Variants in SAMD4B observed in about 807,000 individuals in gnomAD.
The protein encoded by SAMD4B is sterile alpha motif domain containing 4B.
A neutral mutation model predicts 74.5 loss-of-function variants in SAMD4B; 5 were observed. The observed-to-expected ratio is 0.07, with a 90% CI of 0.04 to 0.14. SAMD4B has a LOEUF of 0.14. Ranked by LOEUF, SAMD4B falls within the 10% of genes least tolerant of loss-of-function variation. The probability of loss-of-function intolerance (pLI) is 1.00; values close to 1 mark genes in which losing one functional copy is unlikely to be tolerated. For missense variants in SAMD4B, 608 were observed against 921.8 expected (o/e 0.66, Z 4.41); for synonymous variants, 373 against 374.9 (o/e 1.00, Z 0.06).
At chr19:39,380,916 G>C (rs903078125) in intron 11 of SAMD4B, 74 bp from the exon 12 acceptor site, 19 of 1,541,910 alleles carry the variant, frequency 1.2e-5, no homozygotes, top group African/African-American at 2.7e-5. Flanking sequence ...GAGAAGGCCT[G>C]TACCACCTCC....
chr19:39,367,670 G>A (rs539621924), intron 3 of SAMD4B, among the ~76,000 whole-genome samples: 25 of 151,214 alleles, frequency 1.7e-4, no homozygotes, highest in African/African-American at 5.8e-4. Context: ...CACCATGCCC[G>A]GTTAATTTTT....
downstream of SAMD4B, chr19:39,390,093 ATG>A (rs755558388): frequency 6.2e-7 from 1 of 1,613,860 alleles, no homozygotes; most frequent in East Asian, 2.2e-5. Flanking sequence ...GGGGTAGGTG[ATG>A]AACTTGGGGT....
intron 9 of SAMD4B, 57 bp from the exon 10 acceptor site, chr19:39,379,908 AG>A: frequency 7.3e-7 from 1 of 1,366,556 alleles, no homozygotes; most frequent in Admixed American, 1.8e-5. Context: ...GAAGACTGGA[AG>A]GGAGGTCTGA....
Position 39,378,599 on chromosome 19 carries a change from T to G in SAMD4B, c.1530+10T>G, listed in dbSNP as rs1420768959. 6.2e-7 allele frequency: 1 copy of G among 1,612,708 alleles called. No individual in the cohort carries two copies. Among genetic ancestry groups the G allele is most frequent in the Non-Finnish European group, 8.5e-7 (1 of 1,178,936 alleles). ...GTGCCTGACTCATGAGGTAAGGCCT[T>G]CCCTAGCATACTCAAAAAGGGAAAG... On this transcript the variant is annotated intron_variant, in intron 9 of 13. Coordinates refer to ENST00000610417, the MANE Select transcript of SAMD4B (RefSeq NM_001384574.2). The surrounding 1 kb of genome is among the most constrained non-coding windows in gnomAD (Gnocchi z 4.4).
rs373541843 is a variant in SAMD4B, at chr19:39,383,335, C to A, written c.2056+44C>A. On this transcript the variant is annotated intron_variant, in intron 13 of 13. Transcript: ENST00000610417. This position sits in a 1 kb window ranked among gnomAD's most constrained non-coding sequence, Gnocchi z 4.1. The stretch of plus-strand genomic sequence containing the variant: ...CCTGACCCAGCTCCCACCTACCCAG[C>A]GTCTCTGCCTCTGAACTGAGCAACT... 3.7e-6 allele frequency: 6 copies of A among 1,600,200 alleles called. No homozygotes were observed. In the South Asian group the frequency reaches 6.6e-5, roughly 18 times the overall value.
downstream of SAMD4B, chr19:39,385,848 G>A: frequency 8.2e-7 from 1 of 1,216,580 alleles, no homozygotes; most frequent in Non-Finnish European, 1.1e-6. Flanking sequence ...GCTGGGAGGG[G>A]AAGTAAAGAG....
chr19:39,377,799 C>T lies in SAMD4B; in HGVS notation c.1419C>T (p.Ser473=), dbSNP rs761690823. ...CCGTCGCCGACGGAGACATCCCCAG[C>T]CAGTTTACACGGGTGATGGGCAAAG... ...PAPVADGDIP[S]QFTRVMGKVC... The change falls in exon 8 of 14, where the codon AGC becomes AGT. Residue 473 remains serine (S), a synonymous_variant. Transcript: ENST00000610417. 8 of 1,606,150 alleles carry T rather than the reference C, an allele frequency of 5.0e-6. No homozygotes were observed. The Admixed American group carries it at 1.2e-4, about 24-fold the overall frequency.
chr19:39,382,478 C>T (rs577435721), intron 12 of SAMD4B, among the ~76,000 whole-genome samples: 4 of 152,006 alleles, frequency 2.6e-5, no homozygotes, highest in East Asian at 1.9e-4. Flanking sequence ...TGATCTGATA[C>T]GACATGAGCT....
downstream of SAMD4B, chr19:39,390,312 T>TC (rs1360716395): frequency 6.2e-7 from 1 of 1,603,114 alleles, no homozygotes; most frequent in Non-Finnish European, 8.5e-7. Context: ...AAAGAAACAG[T>TC]GATAGGTGGA....
At chr19:39,369,184 T>C (rs2077147533) in intron 3 of SAMD4B, 2 of 164,190 alleles carry the variant, frequency 1.2e-5, no homozygotes, top group South Asian at 1.6e-4. Context: ...TAGTACCAGC[T>C]ACTTGGGAGG....
At chr19:39,360,478 G>A (rs2076584326) in intron 3 of SAMD4B, among the ~76,000 whole-genome samples, 2 of 152,224 alleles carry the variant, frequency 1.3e-5, no homozygotes, top group Admixed American at 1.3e-4. Context: ...GAAGGCCATG[G>A]TGTGTTCCAG....
intron 1 of SAMD4B, among the ~76,000 whole-genome samples, chr19:39,353,532 T>TA (rs1178945037): frequency 1.3e-5 from 2 of 152,196 alleles, no homozygotes; most frequent in Non-Finnish European, 2.9e-5. Context: ...TTGTACATAT[T>TA]ACTGTGTAGC....
Position 39,378,330 on chromosome 19 carries a change from G to A in SAMD4B, c.1445-174G>A, listed in dbSNP as rs1323110665. On this transcript the variant is annotated intron_variant, in intron 8 of 13. Coordinates refer to ENST00000610417, the MANE Select transcript of SAMD4B (RefSeq NM_001384574.2). This position sits in a 1 kb window ranked among gnomAD's most constrained non-coding sequence, Gnocchi z 4.4. ...TGTGTGTAGTGACAAGATTGTGTCA[G>A]GCACTATGTTGTATATCCTCATGAT... Among the ~76,000 whole-genome samples the A allele has an allele frequency of 5.9e-5, 9 of 152,176 alleles. No individual in the cohort carries two copies. Among genetic ancestry groups the A allele is most frequent in the African/African-American group, 2.2e-4 (9 of 41,442 alleles).
rs1230575158 is a variant in SAMD4B at position 39,375,170 on chromosome 19, G to A, written c.668-480G>A. 6.6e-6 allele frequency among the ~76,000 whole-genome samples: 1 copy of A among 152,230 alleles called. No individual in the cohort carries two copies. The highest frequency in any genetic ancestry group is 1.5e-5 in the Non-Finnish European group (1 of 68,050). ...TAGAGAGGCATGAACCAAGTGGTGG[G>A]TTGTGGGAGAGGAACAGGGGCCAGG... On this transcript the variant is annotated intron_variant, in intron 4 of 13. Transcript: ENST00000610417. The surrounding 1 kb of genome is among the most constrained non-coding windows in gnomAD (Gnocchi z 4.1).
downstream of SAMD4B, chr19:39,389,726 T>C: frequency 6.2e-7 from 1 of 1,614,148 alleles, no homozygotes; most frequent in South Asian, 1.1e-5. This position sits in a 1 kb window ranked among gnomAD's most constrained non-coding sequence, Gnocchi z 5.3. Context: ...ATGTTTGTGC[T>C]GTTTCTCCAA....
chr19:39,358,781 G>A lies in SAMD4B; in HGVS notation c.196+1692G>A, dbSNP rs80210973. ...TTAGTCCTCACAACAACCCCATGAG[G>A]TAGGTCCTGTCATTAGCCCCATTTT... On this transcript the variant is annotated intron_variant, in intron 3 of 13. Transcript: ENST00000610417. 2.6e-3 allele frequency among the ~76,000 whole-genome samples: 393 copies of A among 152,252 alleles called. 1 individual carries two copies. Among genetic ancestry groups the A allele is most frequent in the African/African-American group, 9.0e-3 (374 of 41,556 alleles).
chr19:39,352,966 G>A (rs2076137591), intron 1 of SAMD4B, among the ~76,000 whole-genome samples: 1 of 152,254 alleles, frequency 6.6e-6, no homozygotes, highest in East Asian at 1.9e-4. Flanking sequence ...CCCAGTGAAG[G>A]AATCCCTCCC....
rs139684914 is a variant in SAMD4B at position 39,369,960 on chromosome 19, T to G, written c.502T>G (p.Ser168Ala). Residue 168 changes from serine (S) to alanine (A), a missense_variant, in exon 4 of 14, where the codon TCA becomes GCA. By Grantham distance (99) the Ser-to-Ala change is moderately conservative (BLOSUM62 1). Around this residue, in one of 9 missense-constraint regions of SAMD4B, gnomAD observed 153 missense variants for 153.0 expected, o/e 1.00. Transcript: ENST00000610417. The stretch of plus-strand genomic sequence containing the variant: ...CTCCCGGCCAGAGCCCTCCTACCAT[T>G]CACGTCAAGGCTCAGATGAGTGGGG... ...FRSRPEPSYHSRQGSDEWGGP... is the reference protein window; with the variant it reads ...FRSRPEPSYHARQGSDEWGGP... 4.5e-5 allele frequency: 73 copies of G among 1,613,670 alleles called. No individual in the cohort carries two copies. Among genetic ancestry groups the G allele is most frequent in the Non-Finnish European group, 5.7e-5 (67 of 1,179,878 alleles).
chr19:39,362,191 C>G (rs2076695158), intron 3 of SAMD4B, among the ~76,000 whole-genome samples: 1 of 152,170 alleles, frequency 6.6e-6, no homozygotes, highest in Admixed American at 6.5e-5. Context: ...GTGTTAGAAT[C>G]CCCCAGGGCC....
Sources: allele counts gnomAD v4.1 joint callset (sites outside exome capture counted in the v4.1 genomes callset), GRCh38; gene constraint gnomAD v4.1.1; regional missense constraint gnomAD v4.1.1; non-coding constraint Gnocchi (gnomAD v3.1); transcripts MANE v1.5; gene names NCBI Gene and HGNC (gene_info 2026-07-23, HGNC 2026-07-21).